Variants in EYA4 observed in about 807,000 individuals in gnomAD.
The protein encoded by EYA4 is EYA transcriptional coactivator and phosphatase 4, also known as protein phosphatase EYA4.
In EYA4, 31 loss-of-function variants were observed where a neutral mutation model predicts 87.9. That is an observed-to-expected ratio of 0.35 (90% CI 0.27 to 0.48). The LOEUF (loss-of-function observed/expected upper bound fraction) is 0.48, where lower values mean the gene tolerates loss of function less well. Among genes scored for constraint, EYA4 ranks in the 20% least tolerant of loss-of-function variants. The pLI is 0.99. For missense variants in EYA4, 678 were observed against 761.4 expected (o/e 0.89, Z 1.29); for synonymous variants, 263 against 270.6 (o/e 0.97, Z 0.28).
chr6:133,325,494 A>G (rs974342109), intron 2 of EYA4: 3 of 152,210 alleles, frequency 2.0e-5, no homozygotes, highest in Admixed American at 2.0e-4. Context: ...GGTGTAAACC[A>G]TTTTGTTAGT....
At chr6:133,331,951 A>G (rs1171710921) in intron 2 of EYA4, among the ~76,000 whole-genome samples, 1 of 152,096 alleles carries the variant, frequency 6.6e-6, no homozygotes, top group Non-Finnish European at 1.5e-5. Context: ...TCAGTTCCTG[A>G]CCTCACCCCA....
Position 133,525,064 on chromosome 6 carries a change from A to AACTT in EYA4, c.1739-88_1739-85dup, listed in dbSNP as rs770003389. ...TAGTGTCCAGATTTGGCACTAACAT[A>AACTT]ACTTATGTTGTGATTGGAGATGGCC... On this transcript the variant is annotated intron_variant, in intron 18 of 19. Transcript: ENST00000355286. 1.9e-6 allele frequency: 3 copies of AACTT among 1,613,552 alleles called. No individual in the cohort carries two copies. In the East Asian group the frequency reaches 6.7e-5, roughly 36 times the overall value.
chr6:133,333,227 C>T (rs1018720043), intron 2 of EYA4, among the ~76,000 whole-genome samples: 2 of 152,186 alleles, frequency 1.3e-5, no homozygotes, highest in African/African-American at 4.8e-5. Flanking sequence ...TGGCACCATG[C>T]CTGGTACATA....
At chr6:133,308,339 G>T (rs1779964132) in intron 2 of EYA4, among the ~76,000 whole-genome samples, 1 of 152,044 alleles carries the variant, frequency 6.6e-6, no homozygotes, top group Non-Finnish European at 1.5e-5. Context: ...GTAATAAATA[G>T]AAAAAGGAGC....
chr6:133,393,860 A>G (rs1281487771), intron 3 of EYA4, among the ~76,000 whole-genome samples: 1 of 152,038 alleles, frequency 6.6e-6, no homozygotes, highest in African/African-American at 2.4e-5. Flanking sequence ...AGGCTTCAAG[A>G]TTCTTCACCA....
intron 1 of EYA4, among the ~76,000 whole-genome samples, chr6:133,272,496 A>T (rs1414453120): frequency 1.3e-5 from 2 of 152,204 alleles, no homozygotes; most frequent in Non-Finnish European, 2.9e-5. Context: ...CATGATAGCC[A>T]GTTAAGGTTG....
chr6:133,393,873 G>A (rs1358868477), intron 3 of EYA4, among the ~76,000 whole-genome samples: 3 of 151,942 alleles, frequency 2.0e-5, no homozygotes, highest in Non-Finnish European at 4.4e-5. Flanking sequence ...CTTCACCAGT[G>A]GAACTCGAAG....
chr6:133,269,234 G>A (rs973768225), intron 1 of EYA4, among the ~76,000 whole-genome samples: 20 of 152,220 alleles, frequency 1.3e-4, no homozygotes, highest in African/African-American at 3.9e-4. Context: ...ACTACAACCT[G>A]GGCGACAGAG....
intron 3 of EYA4, among the ~76,000 whole-genome samples, chr6:133,436,030 C>T (rs1791638414): frequency 6.6e-6 from 1 of 152,070 alleles, no homozygotes; most frequent in Non-Finnish European, 1.5e-5. Context: ...ACCAGCCTGG[C>T]CAACATGGTG....
intron 7 of EYA4, 39 bp downstream of exon 7, chr6:133,461,219 A>C: frequency 7.6e-7 from 1 of 1,321,292 alleles, no homozygotes; most frequent in Non-Finnish European, 1.1e-6. Context: ...ATTGGCAAAC[A>C]TTTATGTCTA....
intron 2 of EYA4, among the ~76,000 whole-genome samples, chr6:133,300,420 A>T (rs1460291995): frequency 6.6e-6 from 1 of 152,154 alleles, no homozygotes; most frequent in Non-Finnish European, 1.5e-5. Context: ...GGCTGAAGAT[A>T]CCTGATCTTC....
chr6:133,475,755 T>TAAAAGAA (rs1795666142), intron 11 of EYA4, among the ~76,000 whole-genome samples: 1 of 152,134 alleles, frequency 6.6e-6, no homozygotes, highest in Admixed American at 6.6e-5. Context: ...CTTTCTTCTT[T>TAAAAGAA]TAAAAAAAAG....
chr6:133,365,294 T>C (rs148492287), intron 2 of EYA4, among the ~76,000 whole-genome samples: 275 of 152,246 alleles, frequency 1.8e-3, no homozygotes, highest in African/African-American at 6.1e-3. Flanking sequence ...TAGGGTAAAA[T>C]CTCAGACCTT....
At chr6:133,394,234 A>C (rs1787556735) in intron 3 of EYA4, among the ~76,000 whole-genome samples, 1 of 148,474 alleles carries the variant, frequency 6.7e-6, no homozygotes, top group Admixed American at 6.7e-5. Flanking sequence ...ATTTCCAATG[A>C]GAGAATCTCC....
At chr6:133,436,179 G>A (rs770790036) in intron 3 of EYA4, among the ~76,000 whole-genome samples, 12 of 151,504 alleles carry the variant, frequency 7.9e-5, no homozygotes, top group South Asian at 2.1e-4. Context: ...AGATCGTGCC[G>A]TTGCACTCCA....
At chr6:133,380,611 T>C (rs1016823077) in intron 2 of EYA4, among the ~76,000 whole-genome samples, 8 of 152,144 alleles carry the variant, frequency 5.3e-5, no homozygotes, top group African/African-American at 1.9e-4. Flanking sequence ...TGTGTATTCA[T>C]TGGGCAGTTC....
Position 133,400,665 on chromosome 6 carries a change from G to A in EYA4, c.83+18224G>A, listed in dbSNP as rs142088797. Reference sequence around the variant, plus strand: ...TTGAAGGGTATCCCAGTCAATTAAAGGATAGTAATAAAGTATAAAAATTAT... The same window carrying A: ...TTGAAGGGTATCCCAGTCAATTAAAAGATAGTAATAAAGTATAAAAATTAT... On this transcript the variant is annotated intron_variant, in intron 3 of 19. Transcript: ENST00000355286. Among the ~76,000 whole-genome samples, 114 of 152,010 alleles carry A rather than the reference G, an allele frequency of 7.5e-4. 1 individual carries two copies. The East Asian group carries it at 0.017, about 23-fold the overall frequency.
chr6:133,263,595 G>A (rs1272455601), intron 1 of EYA4, among the ~76,000 whole-genome samples: 1 of 152,194 alleles, frequency 6.6e-6, no homozygotes, highest in African/African-American at 2.4e-5. Context: ...GAGAAGACTT[G>A]CAGACCCTAC....
chr6:133,481,046 G>GGT (rs1348472124), intron 11 of EYA4, among the ~76,000 whole-genome samples: 1 of 151,872 alleles, frequency 6.6e-6, no homozygotes, highest in African/African-American at 2.4e-5. Flanking sequence ...AGATGAGAGA[G>GGT]GGTTTGACTA....
Sources: allele counts gnomAD v4.1 joint callset (sites outside exome capture counted in the v4.1 genomes callset), GRCh38; gene constraint gnomAD v4.1.1; transcripts MANE v1.5; gene names NCBI Gene and HGNC (gene_info 2026-07-23, HGNC 2026-07-21).